Variants in GLIS2 observed in about 807,000 individuals in gnomAD.
GLIS2 encodes zinc finger protein GLIS2.
GLIS2 carries 14 observed loss-of-function variants against 35.6 expected under a neutral mutation model. The ratio of observed to expected loss-of-function variants is 0.39; its 90% CI spans 0.26 to 0.61. The LOEUF is 0.61. Among genes scored for constraint, GLIS2 ranks in the 20% least tolerant of loss-of-function variants. The pLI, the probability that GLIS2 is intolerant of heterozygous loss-of-function variation, is 0.48. For missense variants in GLIS2, 675 were observed against 713.4 expected, an observed-to-expected ratio of 0.95 and a Z score of 0.61; for synonymous variants, 368 against 325.1, an observed-to-expected ratio of 1.13 and a Z score of -1.42.
At chr16:4,322,863 G>A (rs1041446443) in intron 1 of GLIS2, among the ~76,000 whole-genome samples, 5 of 152,160 alleles carry the variant, frequency 3.3e-5, no homozygotes, top group African/African-American at 7.2e-5. Flanking sequence ...GGCCTGCCCC[G>A]ACCCCCCAGG....
intron 3 of GLIS2, among the ~76,000 whole-genome samples, chr16:4,333,891 T>C (rs1354150759): frequency 6.6e-6 from 1 of 152,080 alleles, no homozygotes; most frequent in Admixed American, 6.5e-5. Context: ...AGTGGGAAGA[T>C]CGCTTGAGCC....
Position 4,316,643 on chromosome 16 carries a change from C to T in GLIS2, c.-67+389C>T, listed in dbSNP as rs145685740. Among the ~76,000 whole-genome samples the T allele has an allele frequency of 1.1e-4, 17 of 151,098 alleles. No individual in the cohort carries two copies. The South Asian group carries it at 2.1e-3, about 19-fold the overall frequency. ...AGCCTGGGCATGAAGTTGTCCGGGG[C>T]AGCCGCCCCTCCTCTCGGCCGCGCC... On this transcript the variant is annotated intron_variant, in intron 1 of 6. Coordinates refer to ENST00000433375, the MANE Select transcript of GLIS2 (RefSeq NM_032575.3).
chr16:4,318,006 G>A (rs2053334502), intron 1 of GLIS2, among the ~76,000 whole-genome samples: 1 of 152,058 alleles, frequency 6.6e-6, no homozygotes, highest in African/African-American at 2.4e-5. Flanking sequence ...AGGCCCCCTG[G>A]GGAGTTCTCT....
At chr16:4,316,303 G>T (rs1417391935) in intron 1 of GLIS2, among the ~76,000 whole-genome samples, 49 bp downstream of exon 1, 82 of 143,812 alleles carry the variant, frequency 5.7e-4, no homozygotes, top group African/African-American at 2.0e-3. Context: ...CCGGGGCGGG[G>T]GGGGGGGGGC....
At chr16:4,334,550 T>A (rs1442378273) in intron 3 of GLIS2, among the ~76,000 whole-genome samples, 3 of 151,804 alleles carry the variant, frequency 2.0e-5, no homozygotes, top group African/African-American at 7.3e-5. Flanking sequence ...ATATTTTTTT[T>A]AATTAAGAAA....
At chr16:4,319,572 G>T (rs117459426) in intron 1 of GLIS2, among the ~76,000 whole-genome samples, 3 of 152,150 alleles carry the variant, frequency 2.0e-5, no homozygotes, top group Non-Finnish European at 2.9e-5. Flanking sequence ...CGAGTCTCCC[G>T]GGCCACATCT....
At position 4,338,233 on chromosome 16, in the gene GLIS2, TC is replaced by T. The variant is rs1188035702; in HGVS notation, c.*712del. On this transcript the variant is annotated 3_prime_UTR_variant, in exon 7 of 7. Transcript: ENST00000433375. ...TCCACCCCTGCACCCCAGGGTCTCCTCCCTCTACCTTTTGGGGCACCCTGGG... is the reference window on the plus strand; with the variant it reads ...TCCACCCCTGCACCCCAGGGTCTCCTCCTCTACCTTTTGGGGCACCCTGGG... The T allele has an allele frequency of 6.5e-6, 1 of 152,786 alleles. No individual in the cohort carries two copies. The highest frequency in any genetic ancestry group is 1.5e-5 in the Non-Finnish European group (1 of 68,398). 9.5% of individuals were successfully genotyped at this position (152,786 alleles called of 1,614,324 possible).
intron 1 of GLIS2, among the ~76,000 whole-genome samples, chr16:4,317,315 C>T (rs531454823): frequency 1.3e-5 from 2 of 152,286 alleles, no homozygotes; most frequent in African/African-American, 2.4e-5. Context: ...TGGGCTTGGT[C>T]TGGGCCATGG....
chr16:4,337,654 C>A lies in GLIS2; in HGVS notation c.*130C>A. On this transcript the variant is annotated 3_prime_UTR_variant, in exon 7 of 7. Transcript: ENST00000433375. ...CAGCCCCAGCCCAGCCCGCCGGGAG[C>A]AAGGATGGTGCTAGGTCATTCATGG... is the stretch of plus-strand genomic sequence containing the variant. 3.0e-6 allele frequency: 4 copies of A among 1,346,168 alleles called. No individual in the cohort carries two copies. The highest frequency in any genetic ancestry group is 1.4e-5 in the African/African-American group (1 of 69,476). 83.4% of individuals were successfully genotyped at this position (1,346,168 alleles called of 1,614,324 possible).
intron 1 of GLIS2, among the ~76,000 whole-genome samples, chr16:4,327,592 T>C (rs1032371403): frequency 1.3e-5 from 2 of 152,002 alleles, no homozygotes; most frequent in African/African-American, 4.8e-5. Context: ...CCGCCAGCGC[T>C]GCAGCTGGGG....
chr16:4,323,491 C>T (rs954190936), intron 1 of GLIS2, among the ~76,000 whole-genome samples: 15 of 152,178 alleles, frequency 9.9e-5, no homozygotes, highest in African/African-American at 2.2e-4. Context: ...AGCAGGGGCC[C>T]GGAGCCACCA....
At chr16:4,328,887 T>C (rs1221538633) in intron 1 of GLIS2, among the ~76,000 whole-genome samples, 1 of 151,858 alleles carries the variant, frequency 6.6e-6, no homozygotes, top group African/African-American at 2.4e-5. Flanking sequence ...AGGATGTTGC[T>C]TGGGCAGCGC....
chr16:4,336,836 A>C lies in GLIS2; in HGVS notation c.887A>C (p.Lys296Thr). 1 of 1,612,558 alleles carries C rather than the reference A, an allele frequency of 6.2e-7. No individual in the cohort carries two copies. ...THYVDKPYYC[K>T]MPGCHKRYTD... is the part of the protein sequence containing the mutation. ...TATGTGGACAAGCCCTACTACTGCA[A>C]GATGCCCGGCTGCCACAAGCGCTAC... Residue 296 changes from lysine to threonine, a missense_variant, in exon 7 of 7, where the codon AAG (lysine) becomes ACG (threonine). Around this residue, in one of 3 missense-constraint regions of GLIS2, gnomAD observed 133 missense variants for 191.4 expected, o/e 0.69. Coordinates refer to ENST00000433375, the MANE Select transcript of GLIS2 (RefSeq NM_032575.3).
intron 1 of GLIS2, among the ~76,000 whole-genome samples, chr16:4,331,285 C>A (rs944799741): frequency 2.0e-5 from 3 of 152,074 alleles, no homozygotes; most frequent in African/African-American, 7.2e-5. Flanking sequence ...CGGCCACAGG[C>A]GTTCTTGAAC....
rs1415363476 is a variant in GLIS2, at chr16:4,333,432, A to G, written c.258A>G (p.Pro86=). ...TCGTGGACCTCAGCCTGTCACCACC[A>G]TCTGGGCTGGACTCCCCCAATGGCA... ...APLVDLSLSP[P]SGLDSPNGSS... Residue 86 remains proline (P), a synonymous_variant, in exon 3 of 7, where the codon CCA becomes CCG. Transcript: ENST00000433375. The G allele has an allele frequency of 6.2e-7, 1 of 1,612,792 alleles. No homozygotes were observed. The highest frequency in any genetic ancestry group is 1.7e-5 in the Admixed American group (1 of 59,994).
chr16:4,336,766 C>A lies in GLIS2; in HGVS notation c.817C>A (p.Arg273Ser). ...CTGCCCCTACGAGGGCTGCAACAAG[C>A]GCTATTCCAACTCCAGTGACCGCTT... ...YVCPYEGCNKRYSNSSDRFKH... is the reference protein window; with the variant it reads ...YVCPYEGCNKSYSNSSDRFKH... Residue 273 changes from arginine to serine, a missense_variant, in exon 7 of 7, where the codon CGC (arginine) becomes AGC (serine). Around this residue, in one of 3 missense-constraint regions of GLIS2, gnomAD observed 133 missense variants for 191.4 expected, o/e 0.69. Coordinates refer to ENST00000433375, the MANE Select transcript of GLIS2 (RefSeq NM_032575.3). 1.9e-6 allele frequency: 3 copies of A among 1,611,056 alleles called. No homozygotes were observed. The highest frequency in any genetic ancestry group is 2.5e-6 in the Non-Finnish European group (3 of 1,179,160).
At chr16:4,327,040 G>C (rs28628169) in intron 1 of GLIS2, among the ~76,000 whole-genome samples, 4,925 of 151,968 alleles carry the variant, frequency 0.032, 275 homozygotes, top group African/African-American at 0.11. Context: ...TTACAGGCAT[G>C]AGCCACCGTG....
chr16:4,334,088 C>T (rs1461238006), intron 3 of GLIS2, among the ~76,000 whole-genome samples: 1 of 151,142 alleles, frequency 6.6e-6, no homozygotes, highest in Non-Finnish European at 1.5e-5. Flanking sequence ...TACAGGTACA[C>T]ACCATCACAC....
chr16:4,323,957 G>A (rs998476070), intron 1 of GLIS2, among the ~76,000 whole-genome samples: 2 of 152,218 alleles, frequency 1.3e-5, no homozygotes, highest in Admixed American at 1.3e-4. Flanking sequence ...CCACAGCCAG[G>A]GGTGGCACAG....
Sources: allele counts gnomAD v4.1 joint callset (sites outside exome capture counted in the v4.1 genomes callset), GRCh38; gene constraint gnomAD v4.1.1; regional missense constraint gnomAD v4.1.1; transcripts MANE v1.5; gene names NCBI Gene and HGNC (gene_info 2026-07-23, HGNC 2026-07-21).